IMMP1L: variants seen among roughly 807,000 people sequenced by gnomAD.
IMMP1L encodes the protein mitochondrial inner membrane protease subunit 1.
In IMMP1L, 24 loss-of-function variants were observed where a neutral mutation model predicts 21.8. The ratio of observed to expected loss-of-function variants is 1.10; its 90% CI spans 0.80 to 1.55. The LOEUF is 1.55. Ranked by LOEUF, IMMP1L falls within the 40% of genes most tolerant of loss-of-function variation. The pLI is 0.00. For synonymous variants in IMMP1L, 46 were observed against 62.8 expected (o/e 0.73, Z 1.26); for missense variants, 195 against 200.7 (o/e 0.97, Z 0.17).
At chr11:31,437,248 C>G (rs1953155524) in intron 4 of IMMP1L, 1 of 367,176 alleles carries the variant, frequency 2.7e-6, no homozygotes. Flanking sequence ...CAAGTCTAAA[C>G]ATGAAATTCA....
chr11:31,484,238 TC>T (rs1954997134), intron 1 of IMMP1L, among the ~76,000 whole-genome samples: 1 of 151,950 alleles, frequency 6.6e-6, no homozygotes, highest in South Asian at 2.1e-4. Context: ...AGTCCCATCT[TC>T]CCTGTTTTCT....
rs1953931773 is a variant in IMMP1L, at chr11:31,456,245, T to C, written c.321+15A>G. 1 of 1,552,328 alleles carries C rather than the reference T, an allele frequency of 6.4e-7. No individual in the cohort carries two copies. The highest frequency in any genetic ancestry group is 8.8e-7 in the Non-Finnish European group (1 of 1,136,696). ...ATTATGACACCAAAAATAACATAAT[T>C]GAAATGTTACTTACATAACTATGGC... On this transcript the variant is annotated intron_variant, in intron 4 of 5. Transcript: ENST00000532287.
At chr11:31,506,534 T>C (rs1300199457) in intron 1 of IMMP1L, among the ~76,000 whole-genome samples, 2 of 151,806 alleles carry the variant, frequency 1.3e-5, no homozygotes, top group African/African-American at 4.8e-5. Flanking sequence ...CCAGCCAACA[T>C]ATAACTTTTA....
chr11:31,460,162 TG>T (rs1254598748), intron 3 of IMMP1L, among the ~76,000 whole-genome samples: 1 of 151,818 alleles, frequency 6.6e-6, no homozygotes, highest in Non-Finnish European at 1.5e-5. Context: ...ATCCAAAAAA[TG>T]TATATCAGAA....
At chr11:31,470,157 G>A (rs1301445859) in intron 1 of IMMP1L, among the ~76,000 whole-genome samples, 1 of 152,204 alleles carries the variant, frequency 6.6e-6, no homozygotes, top group Admixed American at 6.5e-5. Flanking sequence ...GCTCATGCCT[G>A]TAATCCAACA....
intron 4 of IMMP1L, among the ~76,000 whole-genome samples, chr11:31,449,580 T>A (rs891244049): frequency 6.6e-6 from 1 of 152,192 alleles, no homozygotes; most frequent in Non-Finnish European, 1.5e-5. Context: ...TAACACTTAA[T>A]CAGTCCTTTC....
chr11:31,478,274 A>G (rs1331043067), intron 1 of IMMP1L, among the ~76,000 whole-genome samples: 1 of 152,202 alleles, frequency 6.6e-6, no homozygotes, highest in Admixed American at 6.5e-5. Context: ...ATTCACATAA[A>G]TTAGTTGGCC....
intron 1 of IMMP1L, among the ~76,000 whole-genome samples, chr11:31,503,147 G>C (rs543288890): frequency 1.3e-5 from 2 of 152,198 alleles, no homozygotes; most frequent in Non-Finnish European, 2.9e-5. Context: ...CAGTATTTCA[G>C]TACTTTCAAA....
At chr11:31,463,088 G>T in intron 2 of IMMP1L, 84 bp downstream of exon 2, 1 of 1,077,620 alleles carries the variant, frequency 9.3e-7, no homozygotes, top group Non-Finnish European at 1.3e-6. Flanking sequence ...CTTCAACTAG[G>T]TTTTCAAAAG....
chr11:31,464,445 C>G (rs889272563), intron 1 of IMMP1L, among the ~76,000 whole-genome samples: 2 of 152,220 alleles, frequency 1.3e-5, no homozygotes, highest in Non-Finnish European at 2.9e-5. Context: ...ATTCATTCTA[C>G]CAGGTCAGCA....
intron 2 of IMMP1L, among the ~76,000 whole-genome samples, 154 bp downstream of exon 2, chr11:31,463,018 A>G (rs1472712134): frequency 6.6e-6 from 1 of 152,172 alleles, no homozygotes; most frequent in African/African-American, 2.4e-5. Context: ...ACACTCTCTT[A>G]TTATTCCAAT....
chr11:31,502,233 T>C (rs918744530), intron 1 of IMMP1L, among the ~76,000 whole-genome samples: 2 of 152,190 alleles, frequency 1.3e-5, no homozygotes, highest in Admixed American at 6.5e-5. Context: ...TAAAGTTTCC[T>C]ACGAAAACAG....
intron 2 of IMMP1L, 45 bp from the exon 3 acceptor site, chr11:31,460,759 A>G: frequency 1.6e-6 from 2 of 1,223,794 alleles, no homozygotes; most frequent in Non-Finnish European, 2.4e-6. Context: ...AATCTCTTTT[A>G]AATTTAACAT....
intron 3 of IMMP1L, among the ~76,000 whole-genome samples, chr11:31,456,614 A>G (rs190590471): frequency 1.3e-3 from 191 of 152,232 alleles, no homozygotes; most frequent in Non-Finnish European, 2.4e-3. Context: ...AATTTCTGAT[A>G]ATTTCAGAAG....
intron 1 of IMMP1L, among the ~76,000 whole-genome samples, chr11:31,491,756 T>C (rs1955263030): frequency 6.6e-6 from 1 of 152,248 alleles, no homozygotes; most frequent in South Asian, 2.1e-4. Flanking sequence ...ATGTGACTAA[T>C]GGGTCCAAAT....
chr11:31,494,258 A>G (rs867474820), intron 1 of IMMP1L, among the ~76,000 whole-genome samples: 22 of 152,344 alleles, frequency 1.4e-4, no homozygotes, highest in Middle Eastern at 3.4e-3. Context: ...CCACACCTCA[A>G]TTACTGACTT....
At chr11:31,442,344 C>G (rs1305986017) in intron 4 of IMMP1L, among the ~76,000 whole-genome samples, 1 of 152,106 alleles carries the variant, frequency 6.6e-6, no homozygotes, top group Non-Finnish European at 1.5e-5. Context: ...ACAAAAGAGG[C>G]TTTTGTGGAG....
chr11:31,447,922 G>T (rs988945005), intron 4 of IMMP1L, among the ~76,000 whole-genome samples: 7 of 152,090 alleles, frequency 4.6e-5, no homozygotes, highest in African/African-American at 1.7e-4. Flanking sequence ...ACCCAAAGTG[G>T]TAACATCAAA....
intron 1 of IMMP1L, among the ~76,000 whole-genome samples, chr11:31,488,734 T>G (rs866934210): frequency 1.8e-4 from 28 of 152,234 alleles, no homozygotes; most frequent in South Asian, 1.2e-3. Context: ...TGTGTGATAC[T>G]GTAAAAAAAA....
Sources: gnomAD v4.1 joint callset for allele counts (sites outside exome capture counted in the v4.1 genomes callset) on GRCh38, gnomAD v4.1.1 for gene constraint, MANE v1.5 for transcripts, NCBI Gene and HGNC (gene_info 2026-07-23, HGNC 2026-07-21) for gene names.